BLTP1: variants seen among roughly 807,000 people sequenced by gnomAD.
BLTP1 encodes fragile site-associated protein.
At chr4:122,208,749 A>G in the BLTP1 span, 1 of 751,378 alleles carries the variant, frequency 1.3e-6, no homozygotes. Context: ...GTCGAATGCA[A>G]AATCTGCCAT....
the BLTP1 span, chr4:122,276,337 A>T: frequency 3.4e-6 from 2 of 588,952 alleles, no homozygotes; most frequent in Middle Eastern, 7.8e-4. Context: ...TTGATATGAT[A>T]ATGGAAGCTT....
the BLTP1 span, chr4:122,287,564 CA>C: frequency 1.0e-6 from 1 of 985,198 alleles, no homozygotes; most frequent in Admixed American, 6.2e-5. Flanking sequence ...GTCAGTTTGT[CA>C]AAAACTGTTG....
At chr4:122,344,350 G>C in the BLTP1 span, 1 of 1,608,408 alleles carries the variant, frequency 6.2e-7, no homozygotes, top group Admixed American at 1.7e-5. Flanking sequence ...ATATATAGAT[G>C]TGGGGGTTGT....
At chr4:122,302,709 G>A in the BLTP1 span, among the ~76,000 whole-genome samples, 2 of 152,130 alleles carry the variant, frequency 1.3e-5, no homozygotes, top group South Asian at 2.1e-4. Flanking sequence ...GTTCTTAAAC[G>A]AAATTAAAAG....
chr4:122,275,885 G>A, the BLTP1 span: 3 of 1,334,838 alleles, frequency 2.2e-6, no homozygotes, highest in Non-Finnish European at 2.9e-6. Context: ...CTTTCCAGAT[G>A]ATTGGTCATA....
At chr4:122,267,604 T>C in the BLTP1 span, 13 of 975,704 alleles carry the variant, frequency 1.3e-5, no homozygotes, top group Non-Finnish European at 2.4e-6. Flanking sequence ...GGTTGACGTG[T>C]CAGGTAGTAT....
chr4:122,296,798 C>T, the BLTP1 span, among the ~76,000 whole-genome samples: 27 of 151,866 alleles, frequency 1.8e-4, no homozygotes, highest in Middle Eastern at 3.2e-3. Flanking sequence ...ACAAACTTGA[C>T]AAAAAACAAA....
chr4:122,300,290 T>G, the BLTP1 span, among the ~76,000 whole-genome samples: 1 of 152,178 alleles, frequency 6.6e-6, no homozygotes, highest in Non-Finnish European at 1.5e-5. Flanking sequence ...GATTAAGGCA[T>G]GAGCCACCGT....
chr4:122,268,316 T>C, the BLTP1 span, among the ~76,000 whole-genome samples: 2 of 152,144 alleles, frequency 1.3e-5, no homozygotes, highest in Non-Finnish European at 2.9e-5. Flanking sequence ...CCTTATGATA[T>C]AACATATAAT....
chr4:122,257,982 A>C, the BLTP1 span, among the ~76,000 whole-genome samples: 1 of 152,234 alleles, frequency 6.6e-6, no homozygotes, highest in Non-Finnish European at 1.5e-5. Context: ...CCTATGCCAC[A>C]GTATTTTAAA....
the BLTP1 span, chr4:122,355,733 C>G: frequency 6.7e-7 from 1 of 1,487,790 alleles, no homozygotes; most frequent in Non-Finnish European, 9.0e-7. Flanking sequence ...GTCTTGAAAG[C>G]TATATAGGCT....
At chr4:122,178,471 C>T in the BLTP1 span, among the ~76,000 whole-genome samples, 1 of 152,294 alleles carries the variant, frequency 6.6e-6, no homozygotes, top group Admixed American at 6.5e-5. Context: ...CAGGATTACT[C>T]TCAAATCCGT....
chr4:122,343,602 G>A, the BLTP1 span: 1 of 1,613,882 alleles, frequency 6.2e-7, no homozygotes, highest in East Asian at 2.2e-5. Flanking sequence ...CCTGGATCAG[G>A]AGGATTAGGT....
At chr4:122,186,061 C>T in the BLTP1 span, 1 of 1,599,910 alleles carries the variant, frequency 6.3e-7, no homozygotes, top group Non-Finnish European at 8.5e-7. Context: ...CCAGGTTATA[C>T]ATCACAGTCA....
At chr4:122,285,829 T>C in the BLTP1 span, among the ~76,000 whole-genome samples, 1 of 152,220 alleles carries the variant, frequency 6.6e-6, no homozygotes, top group African/African-American at 2.4e-5. Context: ...CAGATCTTGA[T>C]TTTAATAAGG....
At chr4:122,277,052 A>C in the BLTP1 span, 1 of 985,056 alleles carries the variant, frequency 1.0e-6, no homozygotes, top group Non-Finnish European at 1.2e-6. Context: ...GATTGTCAAG[A>C]ATCATTTGCC....
chr4:122,174,517 G>T, the BLTP1 span: 1 of 1,590,972 alleles, frequency 6.3e-7, no homozygotes. Flanking sequence ...AACTTTAAGG[G>T]CCCTACTGTC....
chr4:122,344,886 C>T, the BLTP1 span: 13 of 984,854 alleles, frequency 1.3e-5, no homozygotes, highest in African/African-American at 1.7e-5. Context: ...ATGCTTAAAA[C>T]ACTAAAACGG....
chr4:122,154,424 A>G, the BLTP1 span: 1 of 984,926 alleles, frequency 1.0e-6, no homozygotes, highest in Non-Finnish European at 1.2e-6. Flanking sequence ...TTGACTTTTG[A>G]GCTATTGATA....
Sources: gnomAD v4.1 joint callset for allele counts (sites outside exome capture counted in the v4.1 genomes callset) on GRCh38, gnomAD v4.1.1 for gene constraint, MANE v1.5 for transcripts, NCBI Gene and HGNC (gene_info 2026-07-23, HGNC 2026-07-21) for gene names.